DDAH1: variants seen among roughly 807,000 people sequenced by gnomAD.
DDAH1 encodes the protein dimethylarginine dimethylaminohydrolase 1.
DDAH1 carries 19 observed loss-of-function variants against 28.8 expected under a neutral mutation model. The ratio of observed to expected loss-of-function variants is 0.66; its 90% confidence interval spans 0.46 to 0.97. The LOEUF is 0.97. DDAH1 is among the 50% of genes least tolerant of loss of function. DDAH1 has a pLI of 0.00. For missense variants in DDAH1, 326 were observed against 375.9 expected, an observed-to-expected ratio of 0.87 and a Z score of 1.10; for synonymous variants, 153 against 154.4, an observed-to-expected ratio of 0.99 and a Z score of 0.07.
chr1:85,478,198 T>G (rs1655867717), intron 2 of DDAH1, among the ~76,000 whole-genome samples: 1 of 152,212 alleles, frequency 6.6e-6, no homozygotes, highest in South Asian at 2.1e-4. Flanking sequence ...TTCATTTTTA[T>G]AGAAAACATG....
intron 1 of DDAH1, among the ~76,000 whole-genome samples, chr1:85,455,833 C>T (rs767118808): frequency 1.3e-5 from 2 of 152,124 alleles, no homozygotes; most frequent in African/African-American, 4.8e-5. Flanking sequence ...GTTGAGTAAG[C>T]AGAGCTTTTG....
chr1:85,446,458 G>A (rs1654430400), intron 1 of DDAH1, among the ~76,000 whole-genome samples: 1 of 152,122 alleles, frequency 6.6e-6, no homozygotes. Context: ...AATTTAAGAT[G>A]AGATTTTGGT....
chr1:85,371,747 A>G (rs550232305), intron 1 of DDAH1, among the ~76,000 whole-genome samples: 1 of 152,332 alleles, frequency 6.6e-6, no homozygotes, highest in African/African-American at 2.4e-5. Flanking sequence ...AAACACATTC[A>G]TATTCACTTA....
At chr1:85,417,634 T>C (rs1333000613) in intron 1 of DDAH1, among the ~76,000 whole-genome samples, 1 of 152,188 alleles carries the variant, frequency 6.6e-6, no homozygotes, top group African/African-American at 2.4e-5. Context: ...TAAAAATATT[T>C]CTCTTTATCA....
chr1:85,341,964 G>C (rs1648518157), intron 4 of DDAH1, among the ~76,000 whole-genome samples: 1 of 152,168 alleles, frequency 6.6e-6, no homozygotes, highest in Non-Finnish European at 1.5e-5. Flanking sequence ...TTATATGGTT[G>C]CTACTTTTTG....
In DDAH1 at chr1:85,321,430, C is replaced by T; in HGVS notation, c.*22G>A. ...GGCCTTGCCTGTGCGGTCTTGCCGG[C>T]TACCGGGGGGGACTCTGCAGCTCAG... On this transcript the variant is annotated 3_prime_UTR_variant, in exon 6 of 6. Coordinates refer to ENST00000284031, the MANE Select transcript of DDAH1 (RefSeq NM_012137.4). 6 of 1,554,426 alleles carry T rather than the reference C, an allele frequency of 3.9e-6. No homozygotes were observed. The highest frequency in any genetic ancestry group is 5.3e-6 in the Non-Finnish European group (6 of 1,126,010).
At chr1:85,526,162 A>G (rs1220761001) in intron 1 of DDAH1, among the ~76,000 whole-genome samples, 1 of 152,200 alleles carries the variant, frequency 6.6e-6, no homozygotes, top group African/African-American at 2.4e-5. Flanking sequence ...GCTACAGGAA[A>G]AAGTGCTGCC....
chr1:85,400,177 C>CTTTTTTTTTTT lies in DDAH1; in HGVS notation c.304-41341_304-41331dup, dbSNP rs61677601. Among the ~76,000 whole-genome samples, 21 of 54,908 alleles carry CTTTTTTTTTTT rather than the reference C, an allele frequency of 3.8e-4. 1 individual carries two copies. Among genetic ancestry groups the CTTTTTTTTTTT allele is most frequent in the African/African-American group, 9.6e-4 (18 of 18,712 alleles). The allele number at this position is 54,908 out of a possible 152,430, so 36.0% of individuals were successfully genotyped here. ...TGCAGGAATTCCTTTCTTTTCTTTT[C>CTTTTTTTTTTT]TTTTTTTTTTTTTTTTTTTTTTTTT... is the stretch of plus-strand genomic sequence containing the variant. On this transcript the variant is annotated intron_variant, in intron 1 of 5. Coordinates refer to ENST00000284031, the MANE Select transcript of DDAH1 (RefSeq NM_012137.4).
intron 4 of DDAH1, among the ~76,000 whole-genome samples, chr1:85,328,213 A>G (rs1202778804): frequency 1.3e-5 from 2 of 152,212 alleles, no homozygotes; most frequent in African/African-American, 2.4e-5. Flanking sequence ...GTAAGACAAC[A>G]GGGGGTTGGA....
intron 4 of DDAH1, 123 bp downstream of exon 4, chr1:85,350,292 C>G (rs941954588): frequency 8.4e-6 from 11 of 1,309,872 alleles, no homozygotes; most frequent in Non-Finnish European, 1.2e-5. Context: ...ATCACAGAAG[C>G]TCAAATACCT....
At chr1:85,554,979 T>C (rs1658919927) in intron 1 of DDAH1, among the ~76,000 whole-genome samples, 1 of 152,252 alleles carries the variant, frequency 6.6e-6, no homozygotes, top group Non-Finnish European at 1.5e-5. Flanking sequence ...GCTAAGTCCC[T>C]TTTTAAATGT....
At chr1:85,572,617 C>T (rs1215836744) in intron 1 of DDAH1, among the ~76,000 whole-genome samples, 3 of 152,334 alleles carry the variant, frequency 2.0e-5, no homozygotes, top group East Asian at 3.9e-4. Flanking sequence ...AAAGCCCAGG[C>T]CCCATAGATG....
At chr1:85,474,793 T>C (rs1173228153) in intron 2 of DDAH1, among the ~76,000 whole-genome samples, 2 of 152,154 alleles carry the variant, frequency 1.3e-5, no homozygotes, top group Non-Finnish European at 2.9e-5. Flanking sequence ...GGGTTTCAGT[T>C]CCTATAAAAT....
intron 1 of DDAH1, among the ~76,000 whole-genome samples, chr1:85,511,744 T>C (rs1465001464): frequency 6.6e-6 from 1 of 151,982 alleles, no homozygotes; most frequent in African/African-American, 2.4e-5. Flanking sequence ...AACTAGAAAA[T>C]CTAGAAGAAA....
chr1:85,444,005 T>C (rs1022078742), intron 1 of DDAH1, among the ~76,000 whole-genome samples: 20 of 152,214 alleles, frequency 1.3e-4, no homozygotes, highest in African/African-American at 4.8e-4. Flanking sequence ...ATACCCTTTA[T>C]TTCTTTCTCC....
chr1:85,430,441 C>T (rs959135835), intron 1 of DDAH1, among the ~76,000 whole-genome samples: 1 of 152,140 alleles, frequency 6.6e-6, no homozygotes, highest in Non-Finnish European at 1.5e-5. Context: ...TGAAGAAAGT[C>T]AGTGGTAGCT....
chr1:85,352,827 TCA>T (rs1649290858), intron 2 of DDAH1, among the ~76,000 whole-genome samples: 1 of 152,128 alleles, frequency 6.6e-6, no homozygotes, highest in Non-Finnish European at 1.5e-5. Flanking sequence ...CGCTTAAAAG[TCA>T]CAGTTTCCAT....
At chr1:85,434,417 G>GTT (rs1156383221) in intron 1 of DDAH1, among the ~76,000 whole-genome samples, 33 of 145,850 alleles carry the variant, frequency 2.3e-4, no homozygotes, top group Admixed American at 2.0e-3. Flanking sequence ...TTGTATGTGT[G>GTT]TTTTGTTTTT....
chr1:85,416,145 A>C (rs1652875696), intron 1 of DDAH1, among the ~76,000 whole-genome samples: 1 of 152,220 alleles, frequency 6.6e-6, no homozygotes, highest in Admixed American at 6.5e-5. Flanking sequence ...TCGAGGTATG[A>C]AAAAAGAATA....
Sources: allele counts gnomAD v4.1 joint callset (sites outside exome capture counted in the v4.1 genomes callset), GRCh38; gene constraint gnomAD v4.1.1; transcripts MANE v1.5; gene names NCBI Gene and HGNC (gene_info 2026-07-23, HGNC 2026-07-21).